NRK: variants seen among roughly 807,000 people sequenced by gnomAD.
NRK encodes the protein nik-related protein kinase.
Under a neutral mutation model 125.2 loss-of-function variants are expected in NRK, and 67 were observed. The observed-to-expected ratio is 0.54, with a 90% CI of 0.44 to 0.66. NRK has a LOEUF of 0.66. Among genes scored for constraint, NRK ranks in the 30% least tolerant of loss-of-function variants. The pLI, the probability that NRK is intolerant of heterozygous loss-of-function variation, is 0.00. For synonymous variants in NRK, 458 were observed against 429.0 expected (o/e 1.07, Z -0.84); for missense variants, 1,224 against 1,192.9 (o/e 1.03, Z -0.38).
rs1404742017 is a variant in NRK at position 105,949,631 on chromosome X, T to C, written c.4410T>C (p.Ile1470=). 1 of 1,193,489 alleles carries C rather than the reference T, an allele frequency of 8.4e-7. No homozygotes were observed. Among genetic ancestry groups the C allele is most frequent in the Non-Finnish European group, 1.1e-6 (1 of 879,262 alleles). The change falls in exon 27 of 29, where the codon ATT becomes ATC. Residue 1470 remains isoleucine (I), a synonymous_variant. Transcript: ENST00000243300. ...NIIILPDCLG[I]GMMLTFNAEA... is the part of the protein sequence containing the mutation. ...TCATTTTACCTGATTGCTTGGGAAT[T>C]GGCATGATGCTCACCTTCAATGCTG...
At chrX:105,825,000 T>C (rs999319848) in intron 1 of NRK, among the ~76,000 whole-genome samples, 1 of 111,793 alleles carries the variant, frequency 8.9e-6, no homozygotes. Context: ...TTCTCCCCTG[T>C]CCTCAAACAC....
chrX:105,849,268 A>G (rs1206672267), intron 2 of NRK, among the ~76,000 whole-genome samples: 5 of 111,736 alleles, frequency 4.5e-5, no homozygotes, highest in Non-Finnish European at 9.4e-5. Context: ...CTTATTCACT[A>G]TCATGAGAAT....
chrX:105,856,082 T>C (rs2039528932), intron 2 of NRK, among the ~76,000 whole-genome samples: 1 of 111,957 alleles, frequency 8.9e-6, no homozygotes, highest in Non-Finnish European at 1.9e-5. Flanking sequence ...CTTTAATTTA[T>C]ATTTTATGAA....
intron 7 of NRK, among the ~76,000 whole-genome samples, chrX:105,896,308 A>G (rs1259187614): frequency 8.9e-6 from 1 of 112,076 alleles, no homozygotes; most frequent in Non-Finnish European, 1.9e-5. Context: ...ATTTTTCAAC[A>G]GTTTGTAAAC....
chrX:105,847,271 G>A (rs1242920846), intron 2 of NRK, among the ~76,000 whole-genome samples: 4 of 112,062 alleles, frequency 3.6e-5, no homozygotes, highest in Non-Finnish European at 7.5e-5. Context: ...CTGTGTCAAA[G>A]AGACTTTCTA....
At chrX:105,919,102 G>T (rs922745110) in intron 16 of NRK, among the ~76,000 whole-genome samples, 2 of 109,527 alleles carry the variant, frequency 1.8e-5, no homozygotes, top group African/African-American at 6.6e-5. Flanking sequence ...AAGGACAGCA[G>T]TATTTGCAAA....
chrX:105,935,790 A>G (rs748431652), intron 21 of NRK, among the ~76,000 whole-genome samples: 1 of 100,829 alleles, frequency 9.9e-6, no homozygotes, highest in Admixed American at 1.1e-4. Context: ...GACTCTCTCT[A>G]TATATATTAT....
Position 105,898,565 on chromosome X carries a change from A to G in NRK, c.581-19A>G. On this transcript the variant is annotated intron_variant, in intron 7 of 28. Coordinates refer to ENST00000243300, the MANE Select transcript of NRK (RefSeq NM_198465.4). ...TTTTCTCCTGATTGATTATTTTGAC[A>G]TATAATGATTTTTGGCAGTTGATTT... 8.4e-7 allele frequency: 1 copy of G among 1,186,302 alleles called. No individual in the cohort carries two copies. Among genetic ancestry groups the G allele is most frequent in the Non-Finnish European group, 1.1e-6 (1 of 879,511 alleles).
chrX:105,903,395 A>C (rs2040183623), intron 9 of NRK, among the ~76,000 whole-genome samples: 2 of 111,604 alleles, frequency 1.8e-5, no homozygotes, highest in Non-Finnish European at 1.9e-5. Flanking sequence ...CATCCCATCA[A>C]GAGGCTTATT....
intron 10 of NRK, among the ~76,000 whole-genome samples, chrX:105,905,798 C>T (rs1344066020): frequency 8.9e-6 from 1 of 112,138 alleles, no homozygotes; most frequent in South Asian, 3.7e-4. Context: ...GCTTGTTGAT[C>T]TTGTACCTGA....
At position 105,956,793 on chromosome X, in the gene NRK, C is replaced by T. The variant is rs1425256481; in HGVS notation, c.*1193C>T. 9.0e-6 allele frequency: 1 copy of T among 111,606 alleles called. No individual in the cohort carries two copies. The highest frequency in any genetic ancestry group is 1.9e-5 in the Non-Finnish European group (1 of 53,008). The allele number at this position is 111,606 out of a possible 1,213,427, so 9.2% of individuals were successfully genotyped here. The stretch of plus-strand genomic sequence containing the variant: ...GTCCATCACCCAAATATGTTATAGA[C>T]GCCATAGACAGGTGATGTTTGGTCA... On this transcript the variant is annotated 3_prime_UTR_variant, in exon 29 of 29. Coordinates refer to ENST00000243300, the MANE Select transcript of NRK (RefSeq NM_198465.4).
chrX:105,886,175 C>G (rs1392683063), intron 4 of NRK, among the ~76,000 whole-genome samples: 1 of 109,565 alleles, frequency 9.1e-6, no homozygotes, highest in Non-Finnish European at 1.9e-5. Context: ...CCTGACTTGT[C>G]CCCTGAGTGC....
At chrX:105,878,943 A>G (rs1365783790) in intron 2 of NRK, among the ~76,000 whole-genome samples, 2 of 111,499 alleles carry the variant, frequency 1.8e-5, no homozygotes, top group Non-Finnish European at 3.8e-5. Context: ...AATTTTGGAC[A>G]TAAGAATTCT....
intron 2 of NRK, among the ~76,000 whole-genome samples, chrX:105,876,859 A>G (rs887162979): frequency 4.5e-5 from 5 of 111,518 alleles, no homozygotes; most frequent in Admixed American, 2.9e-4. Flanking sequence ...AATGAACCAC[A>G]AGATGGCACC....
chrX:105,904,684 C>T (rs1365118878), intron 9 of NRK, among the ~76,000 whole-genome samples: 1 of 111,564 alleles, frequency 9.0e-6, no homozygotes, highest in Non-Finnish European at 1.9e-5. Flanking sequence ...TACAGATAGG[C>T]TAGGTAATTT....
chrX:105,898,551 T>C, intron 7 of NRK, 33 bp from the exon 8 acceptor site: 2 of 1,165,830 alleles, frequency 1.7e-6, no homozygotes, highest in Non-Finnish European at 1.2e-6. Context: ...TTTCTCCTGA[T>C]TGATTATTTT....
intron 2 of NRK, among the ~76,000 whole-genome samples, chrX:105,851,939 C>A (rs2039477082): frequency 9.0e-6 from 1 of 111,700 alleles, no homozygotes; most frequent in Admixed American, 9.5e-5. Flanking sequence ...TTAATCCTAC[C>A]ATTTAGGCTA....
chrX:105,859,894 A>G (rs1469692000), intron 2 of NRK, among the ~76,000 whole-genome samples: 1 of 111,849 alleles, frequency 8.9e-6, no homozygotes, highest in Non-Finnish European at 1.9e-5. Context: ...TGAAAAGAAT[A>G]ATAAAACCAG....
At chrX:105,822,245 GA>G (rs2147623524), upstream of NRK, among the ~76,000 whole-genome samples, 1 of 104,398 alleles carries the variant, frequency 9.6e-6, no homozygotes, top group Non-Finnish European at 2.0e-5. Context: ...CAGCTGCCTG[GA>G]AAAAGTTTCC....
Sources: allele counts gnomAD v4.1 joint callset (sites outside exome capture counted in the v4.1 genomes callset), GRCh38; gene constraint gnomAD v4.1.1; transcripts MANE v1.5; gene names NCBI Gene and HGNC (gene_info 2026-07-23, HGNC 2026-07-21).